Variants in ADGRB3 observed in about 807,000 individuals in gnomAD.
ADGRB3 encodes brain-specific angiogenesis inhibitor 3.
Under a neutral mutation model 193.4 loss-of-function variants are expected in ADGRB3, and 37 were observed. The ratio of observed to expected loss-of-function variants is 0.19; its 90% CI spans 0.15 to 0.25. ADGRB3 has a LOEUF of 0.25. Ranked by LOEUF, ADGRB3 falls within the 10% of genes least tolerant of loss-of-function variation. The pLI, the probability that ADGRB3 is intolerant of heterozygous loss-of-function variation, is 1.00. For synonymous variants in ADGRB3, 690 were observed against 644.2 expected (o/e 1.07, Z -1.08); for missense variants, 1,637 against 1,852.9 (o/e 0.88, Z 2.14).
intron 17 of ADGRB3, among the ~76,000 whole-genome samples, chr6:69,153,630 A>G (rs1415937166): frequency 1.3e-5 from 2 of 152,162 alleles, no homozygotes; most frequent in African/African-American, 4.8e-5. Context: ...TTCAAATGGG[A>G]TCCATCAGGT....
intron 17 of ADGRB3, among the ~76,000 whole-genome samples, chr6:69,188,808 G>T (rs1036778294): frequency 2.0e-5 from 3 of 152,000 alleles, no homozygotes; most frequent in South Asian, 2.1e-4. Flanking sequence ...GTGCACTCTG[G>T]AGAAATCCTT....
At chr6:68,993,130 G>T (rs1769286166) in intron 10 of ADGRB3, among the ~76,000 whole-genome samples, 1 of 151,890 alleles carries the variant, frequency 6.6e-6, no homozygotes, top group Admixed American at 6.6e-5. Context: ...TTTAAGCTTT[G>T]CATTTTAATA....
chr6:69,381,439 C>T (rs965474000), intron 30 of ADGRB3, among the ~76,000 whole-genome samples: 1 of 151,752 alleles, frequency 6.6e-6, no homozygotes, highest in African/African-American at 2.4e-5. Flanking sequence ...CTGATTGTTG[C>T]AAGACATAAA....
At chr6:69,037,519 G>C (rs1322975805) in intron 13 of ADGRB3, among the ~76,000 whole-genome samples, 3 of 152,114 alleles carry the variant, frequency 2.0e-5, no homozygotes, top group Non-Finnish European at 2.9e-5. Context: ...TTTAGAGTGT[G>C]TTTTTCATTT....
rs115210991 is a variant in ADGRB3, at chr6:68,799,287, G to A, written c.758-131272G>A. On this transcript the variant is annotated intron_variant, in intron 3 of 31. Transcript: ENST00000370598. The stretch of plus-strand genomic sequence containing the variant: ...TATTTAGGAGGGAGAAACACTAAAA[G>A]TTATTGGCTCATTGGATTTGAGTAG... Among the ~76,000 whole-genome samples, 1,459 of 152,204 alleles carry A rather than the reference G, an allele frequency of 9.6e-3. 29 individuals are homozygous for A. Among genetic ancestry groups the A allele is most frequent in the African/African-American group, 0.034 (1,396 of 41,550 alleles).
chr6:68,776,363 A>C (rs1766746978), intron 3 of ADGRB3, among the ~76,000 whole-genome samples: 1 of 152,204 alleles, frequency 6.6e-6, no homozygotes, highest in South Asian at 2.1e-4. Context: ...TCTCAGAAAT[A>C]GAATAAAGTT....
At chr6:68,643,704 C>T (rs1458094566) in intron 3 of ADGRB3, among the ~76,000 whole-genome samples, 1 of 151,454 alleles carries the variant, frequency 6.6e-6, no homozygotes, top group Non-Finnish European at 1.5e-5. Flanking sequence ...GAGGCCGAAG[C>T]GGGTGGACCA....
intron 20 of ADGRB3, among the ~76,000 whole-genome samples, chr6:69,283,833 T>C (rs1189364045): frequency 2.6e-5 from 4 of 152,184 alleles, no homozygotes; most frequent in African/African-American, 4.8e-5. Context: ...CATTTTGAAC[T>C]GTGATGCTAA....
At chr6:69,010,523 G>A (rs995925155) in intron 11 of ADGRB3, among the ~76,000 whole-genome samples, 1 of 152,022 alleles carries the variant, frequency 6.6e-6, no homozygotes, top group African/African-American at 2.4e-5. Context: ...CACTTGCCAT[G>A]CATCAGATAC....
chr6:68,843,827 A>C (rs963891064), intron 3 of ADGRB3, among the ~76,000 whole-genome samples: 2 of 152,194 alleles, frequency 1.3e-5, no homozygotes, highest in African/African-American at 4.8e-5. Flanking sequence ...AAACAGACAC[A>C]TAGACCAATA....
chr6:68,736,614 A>G (rs7743793), intron 3 of ADGRB3, among the ~76,000 whole-genome samples: 117,448 of 152,020 alleles, frequency 0.77, 45,580 homozygotes, highest in Middle Eastern at 0.91. Context: ...AACAAGACTA[A>G]GAAGCTTTTA....
intron 3 of ADGRB3, among the ~76,000 whole-genome samples, chr6:68,918,582 C>T (rs1009494416): frequency 7.2e-5 from 11 of 152,176 alleles, no homozygotes; most frequent in Admixed American, 5.9e-4. Flanking sequence ...AATTTTTAAA[C>T]ACACACTTGG....
At chr6:69,225,453 T>C (rs1765988652) in intron 17 of ADGRB3, among the ~76,000 whole-genome samples, 1 of 152,230 alleles carries the variant, frequency 6.6e-6, no homozygotes, top group Admixed American at 6.5e-5. Context: ...GCTCTCTCAC[T>C]GTGTCTAGTC....
At chr6:69,278,999 A>G (rs907077129) in intron 20 of ADGRB3, among the ~76,000 whole-genome samples, 3 of 148,184 alleles carry the variant, frequency 2.0e-5, no homozygotes, top group African/African-American at 7.4e-5. Context: ...TTGCATTCCT[A>G]TAACAAGAAT....
intron 26 of ADGRB3, among the ~76,000 whole-genome samples, chr6:69,348,369 G>C (rs573669993): frequency 6.6e-6 from 1 of 152,098 alleles, no homozygotes; most frequent in South Asian, 2.1e-4. Flanking sequence ...AGAGTAGGCT[G>C]GGCACAGTGG....
At chr6:68,669,288 C>T (rs1467586610) in intron 3 of ADGRB3, among the ~76,000 whole-genome samples, 1 of 151,588 alleles carries the variant, frequency 6.6e-6, no homozygotes, top group Non-Finnish European at 1.5e-5. Flanking sequence ...CTACAATTAC[C>T]CTGTTGTGCT....
intron 17 of ADGRB3, among the ~76,000 whole-genome samples, chr6:69,212,755 A>G (rs1003700127): frequency 1.3e-5 from 2 of 152,182 alleles, no homozygotes; most frequent in Admixed American, 1.3e-4. Context: ...AGGAATGGGT[A>G]GTGTTTGATT....
intron 17 of ADGRB3, among the ~76,000 whole-genome samples, chr6:69,205,069 G>T (rs1265745292): frequency 6.6e-6 from 1 of 152,066 alleles, no homozygotes; most frequent in African/African-American, 2.4e-5. Context: ...TAAATAATTT[G>T]TAAAATGTTT....
At chr6:68,910,234 C>G (rs1766662118) in intron 3 of ADGRB3, among the ~76,000 whole-genome samples, 1 of 152,168 alleles carries the variant, frequency 6.6e-6, no homozygotes, top group Admixed American at 6.5e-5. Flanking sequence ...ATAGCCTTCA[C>G]CCATTTGTCG....
Sources: allele counts gnomAD v4.1 joint callset (sites outside exome capture counted in the v4.1 genomes callset), GRCh38; gene constraint gnomAD v4.1.1; transcripts MANE v1.5; gene names NCBI Gene and HGNC (gene_info 2026-07-23, HGNC 2026-07-21).